The following NXPE3 variants were observed in gnomAD, a reference collection of about 807,000 sequenced individuals.
The protein encoded by NXPE3 is NXPE family member 3.
Under a neutral mutation model 46.1 loss-of-function variants are expected in NXPE3, and 26 were observed. The ratio of observed to expected loss-of-function variants is 0.56; its 90% CI spans 0.41 to 0.78. NXPE3 has a LOEUF of 0.78. Among genes scored for constraint, NXPE3 ranks in the 30% least tolerant of loss-of-function variants. NXPE3 has a pLI of 0.00. For synonymous variants in NXPE3, 272 were observed against 257.9 expected (o/e 1.05, Z -0.52); for missense variants, 620 against 686.0 (o/e 0.90, Z 1.07).
Position 101,825,340 on chromosome 3 carries a change from TA to T in NXPE3, c.*3387del, listed in dbSNP as rs1942448514. ...TCACTTAAACGTTTCCCAGAATATT[TA>T]GATAGAATAATTTAGTTTCTTCTGA... On this transcript the variant is annotated 3_prime_UTR_variant, in exon 8 of 8. Coordinates refer to ENST00000273347, the MANE Select transcript of NXPE3 (RefSeq NM_145037.4). The T allele has an allele frequency of 6.6e-6, 1 of 152,256 alleles. No homozygotes were observed. 9.4% of individuals were successfully genotyped at this position (152,256 alleles called of 1,614,324 possible).
Position 101,785,672 on chromosome 3 carries a change from A to C in NXPE3, c.76A>C (p.Asn26His), listed in dbSNP as rs1940129341. The change falls in exon 4 of 8, where the codon AAT (asparagine) becomes CAT (histidine). Residue 26 changes from asparagine (N) to histidine (H), a missense_variant. Asn to His is a moderately conservative substitution (Grantham distance 68, BLOSUM62 1). This residue lies in a region of NXPE3 where 511 missense variants were observed against 528.6 expected (regional missense o/e 0.97). Coordinates refer to ENST00000273347, the MANE Select transcript of NXPE3 (RefSeq NM_145037.4). ...AVLMVVVLVI[N>H]VTQVEYLDHE... ...GTTGATGGTGGTGGTGCTGGTCATC[A>C]ATGTTACTCAGGTAGAGGTGAGTAC... The C allele has an allele frequency of 6.2e-7, 1 of 1,612,964 alleles. No homozygotes were observed.
At chr3:101,804,295 A>G (rs146918375) in intron 5 of NXPE3, among the ~76,000 whole-genome samples, 39 of 152,366 alleles carry the variant, frequency 2.6e-4, no homozygotes, top group African/African-American at 8.4e-4. Flanking sequence ...TATAAATTCT[A>G]CCATTAAAAA....
At position 101,782,330 on chromosome 3, in the gene NXPE3, A is replaced by C. The variant is rs1049507034; in HGVS notation, c.-317+40A>C. 5 of 152,102 alleles carry C rather than the reference A, an allele frequency of 3.3e-5. No individual in the cohort carries two copies. In the East Asian group the frequency reaches 9.6e-4, roughly 29 times the overall value. The allele number at this position is 152,102 out of a possible 1,614,324, so 9.4% of individuals were successfully genotyped here. On this transcript the variant is annotated intron_variant, in intron 2 of 7. Transcript: ENST00000273347. ...ATTATATATTTTTATTTTTTTGGTT[A>C]ATCTGAGGAACTTTTTTCTATAATC...
intron 7 of NXPE3, among the ~76,000 whole-genome samples, chr3:101,818,735 ATATATATATATATATATATTTTTTT>A (rs1332388483): frequency 6.5e-4 from 17 of 26,086 alleles, no homozygotes; most frequent in African/African-American, 2.5e-3. Context: ...ATATATATAT[ATATATATATATATATATATTTTTTT>A]TTTTTTTTTT....
intron 7 of NXPE3, among the ~76,000 whole-genome samples, chr3:101,820,483 C>T (rs979602657): frequency 6.6e-6 from 1 of 152,176 alleles, no homozygotes; most frequent in Non-Finnish European, 1.5e-5. Flanking sequence ...CCTCAAAGAG[C>T]TAAAAGCAGA....
intron 4 of NXPE3, among the ~76,000 whole-genome samples, chr3:101,794,337 C>T (rs1940697338): frequency 6.6e-6 from 1 of 152,068 alleles, no homozygotes; most frequent in African/African-American, 2.4e-5. Flanking sequence ...TTATTAACTA[C>T]ATAGGAGGAG....
chr3:101,817,546 G>T (rs1942026000), intron 7 of NXPE3, among the ~76,000 whole-genome samples: 1 of 152,164 alleles, frequency 6.6e-6, no homozygotes, highest in Non-Finnish European at 1.5e-5. Context: ...CTCCTCCTGA[G>T]GGAGTCTGGG....
At chr3:101,819,375 C>G (rs1030957626) in intron 7 of NXPE3, among the ~76,000 whole-genome samples, 1 of 152,122 alleles carries the variant, frequency 6.6e-6, no homozygotes, top group African/African-American at 2.4e-5. Context: ...CAGAATGTCT[C>G]CAGGCAACTG....
chr3:101,787,458 C>T (rs1940258730), intron 4 of NXPE3, among the ~76,000 whole-genome samples: 1 of 152,190 alleles, frequency 6.6e-6, no homozygotes, highest in Non-Finnish European at 1.5e-5. Flanking sequence ...AGGCGTGTGC[C>T]ACCACGCTTA....
At chr3:101,795,073 G>A (rs1372904877) in intron 4 of NXPE3, among the ~76,000 whole-genome samples, 1 of 152,164 alleles carries the variant, frequency 6.6e-6, no homozygotes, top group Non-Finnish European at 1.5e-5. Context: ...TGATAAAGAA[G>A]CTTGGAGTAA....
chr3:101,817,181 G>C (rs1466739540), intron 7 of NXPE3, among the ~76,000 whole-genome samples, 180 bp downstream of exon 7: 1 of 152,206 alleles, frequency 6.6e-6, no homozygotes, highest in Non-Finnish European at 1.5e-5. Flanking sequence ...GCTGTGTTGT[G>C]TTGTACTCAT....
chr3:101,805,054 T>G (rs1460870872), intron 5 of NXPE3, among the ~76,000 whole-genome samples: 1 of 152,198 alleles, frequency 6.6e-6, no homozygotes, highest in Non-Finnish European at 1.5e-5. Context: ...TGCTTTATCT[T>G]TCTTTGTGTT....
At chr3:101,786,769 T>C (rs957125098) in intron 4 of NXPE3, among the ~76,000 whole-genome samples, 1 of 152,198 alleles carries the variant, frequency 6.6e-6, no homozygotes, top group Admixed American at 6.5e-5. Context: ...TTTTAAAGTA[T>C]TTTTTGTGGT....
intron 5 of NXPE3, 63 bp downstream of exon 5, chr3:101,802,052 T>C: frequency 6.8e-7 from 1 of 1,473,528 alleles, no homozygotes; most frequent in Non-Finnish European, 9.0e-7. Flanking sequence ...TTGTCCCATT[T>C]AGGAGACTTT....
At chr3:101,817,122 A>G in intron 7 of NXPE3, 121 bp downstream of exon 7, 17 of 848,948 alleles carry the variant, frequency 2.0e-5, no homozygotes, top group Non-Finnish European at 3.3e-5. Flanking sequence ...GTGTAGGACT[A>G]AAGAGGTACC....
intron 4 of NXPE3, among the ~76,000 whole-genome samples, chr3:101,786,241 C>T (rs1174676826): frequency 2.6e-5 from 4 of 152,166 alleles, no homozygotes; most frequent in African/African-American, 7.2e-5. Flanking sequence ...TCCCCAGCCC[C>T]AACATGAACT....
chr3:101,782,284 A>C lies in NXPE3; in HGVS notation c.-323A>C, dbSNP rs769021283. Reference sequence around the variant, plus strand: ...AAGCATCTCTTCTTGGAAAATTTCCAAAAAAGGTAAATTACATTGAATTAT... The same window carrying C: ...AAGCATCTCTTCTTGGAAAATTTCCCAAAAAGGTAAATTACATTGAATTAT... On this transcript the variant is annotated 5_prime_UTR_variant, in exon 2 of 8. Coordinates refer to ENST00000273347, the MANE Select transcript of NXPE3 (RefSeq NM_145037.4). 2 of 152,168 alleles carry C rather than the reference A, an allele frequency of 1.3e-5. No homozygotes were observed. Among genetic ancestry groups the C allele is most frequent in the African/African-American group, 2.4e-5 (1 of 41,440 alleles). 9.4% of individuals were successfully genotyped at this position (152,168 alleles called of 1,614,324 possible).
chr3:101,806,049 C>T (rs1301700085), intron 5 of NXPE3, among the ~76,000 whole-genome samples: 1 of 151,976 alleles, frequency 6.6e-6, no homozygotes, highest in African/African-American at 2.4e-5. Flanking sequence ...CTGTACACTT[C>T]CTTCATTACT....
intron 4 of NXPE3, among the ~76,000 whole-genome samples, chr3:101,789,163 A>C (rs865837624): frequency 3.3e-5 from 5 of 151,986 alleles, no homozygotes; most frequent in Non-Finnish European, 7.4e-5. Context: ...TTTGGATTTA[A>C]TTGTCTCGTC....
Sources: allele counts gnomAD v4.1 joint callset (sites outside exome capture counted in the v4.1 genomes callset), GRCh38; gene constraint gnomAD v4.1.1; regional missense constraint gnomAD v4.1.1; transcripts MANE v1.5; gene names NCBI Gene and HGNC (gene_info 2026-07-23, HGNC 2026-07-21).